FNDC3B: variants seen among roughly 807,000 people sequenced by gnomAD.
The protein encoded by FNDC3B is fibronectin type III domain containing 3B, also known as fibronectin type III domain-containing protein 3B.
A neutral mutation model predicts 151.5 loss-of-function variants in FNDC3B; 12 were observed. The ratio of observed to expected loss-of-function variants is 0.08; its 90% CI spans 0.05 to 0.13. The LOEUF (loss-of-function observed/expected upper bound fraction) is 0.13. Among genes scored for constraint, FNDC3B ranks in the 10% least tolerant of loss-of-function variants. The pLI, the probability that FNDC3B is intolerant of heterozygous loss-of-function variation, is 1.00. For synonymous variants in FNDC3B, 528 were observed against 549.0 expected (o/e 0.96, Z 0.54); for missense variants, 1,214 against 1,505.3 (o/e 0.81, Z 3.20).
intron 1 of FNDC3B, among the ~76,000 whole-genome samples, chr3:172,055,926 G>A (rs924164003): frequency 5.3e-5 from 8 of 151,978 alleles, no homozygotes; most frequent in African/African-American, 1.2e-4. Context: ...GACTATAGGC[G>A]CCCGCCACCA....
At chr3:172,186,516 C>A (rs550090748) in intron 3 of FNDC3B, among the ~76,000 whole-genome samples, 2 of 152,298 alleles carry the variant, frequency 1.3e-5, no homozygotes, top group East Asian at 3.9e-4. Context: ...CTACATAAAC[C>A]TGAGCTGAGG....
At chr3:172,229,134 CACAA>C (rs1223304890) in intron 4 of FNDC3B, among the ~76,000 whole-genome samples, 2 of 82,956 alleles carry the variant, frequency 2.4e-5, no homozygotes, top group Admixed American at 1.4e-4. Context: ...CACACACACA[CACAA>C]TCTCCTGCAG....
chr3:172,148,571 G>A (rs1312647021), intron 3 of FNDC3B: 1 of 152,184 alleles, frequency 6.6e-6, no homozygotes, highest in Non-Finnish European at 1.5e-5. Context: ...GACAGTTGAG[G>A]TGAGTGAATT....
chr3:172,200,068 G>A (rs899573335), intron 3 of FNDC3B, among the ~76,000 whole-genome samples: 1 of 151,988 alleles, frequency 6.6e-6, no homozygotes, highest in Non-Finnish European at 1.5e-5. Flanking sequence ...TGTTGCGGGG[G>A]CCAGAGCCTA....
chr3:172,287,818 G>A (rs151249975), intron 7 of FNDC3B, among the ~76,000 whole-genome samples: 76 of 152,276 alleles, frequency 5.0e-4, no homozygotes, highest in African/African-American at 1.7e-3. Flanking sequence ...TATTTCTTAG[G>A]CATTTAATCT....
intron 3 of FNDC3B, among the ~76,000 whole-genome samples, chr3:172,220,997 C>T (rs1195786451): frequency 2.0e-5 from 3 of 152,200 alleles, no homozygotes; most frequent in Admixed American, 2.0e-4. Context: ...AGTATATAGA[C>T]CATTCACTCC....
intron 6 of FNDC3B, among the ~76,000 whole-genome samples, chr3:172,273,576 C>T (rs1729303072): frequency 6.6e-6 from 1 of 152,190 alleles, no homozygotes; most frequent in Non-Finnish European, 1.5e-5. Flanking sequence ...AGTGTTTTCT[C>T]CACAAAGGAA....
At chr3:172,217,084 CT>C (rs1726020304) in intron 3 of FNDC3B, among the ~76,000 whole-genome samples, 2 of 151,420 alleles carry the variant, frequency 1.3e-5, no homozygotes, top group Non-Finnish European at 3.0e-5. Context: ...ATGCCATTCT[CT>C]CCATAATTAA....
At chr3:172,122,948 A>G (rs1304444202) in intron 2 of FNDC3B, among the ~76,000 whole-genome samples, 1 of 152,178 alleles carries the variant, frequency 6.6e-6, no homozygotes, top group African/African-American at 2.4e-5. Context: ...AAAAAATGCA[A>G]ATCAGTTCTT....
At chr3:172,312,348 T>G (rs1446305370) in intron 11 of FNDC3B, among the ~76,000 whole-genome samples, 1 of 152,162 alleles carries the variant, frequency 6.6e-6, no homozygotes. Flanking sequence ...TTCTACAGAT[T>G]AGGTGGATTT....
intron 3 of FNDC3B, among the ~76,000 whole-genome samples, chr3:172,189,121 T>C (rs973874619): frequency 6.6e-6 from 1 of 152,252 alleles, no homozygotes; most frequent in African/African-American, 2.4e-5. Context: ...TGAACTTACC[T>C]AAACTTAGTA....
chr3:172,269,260 C>G (rs941002457), intron 6 of FNDC3B, among the ~76,000 whole-genome samples: 1 of 151,462 alleles, frequency 6.6e-6, no homozygotes, highest in Non-Finnish European at 1.5e-5. Flanking sequence ...CTTTCCTTTC[C>G]TTTTCCTTTT....
intron 2 of FNDC3B, among the ~76,000 whole-genome samples, chr3:172,133,035 A>G (rs1721182366): frequency 6.6e-6 from 1 of 152,152 alleles, no homozygotes; most frequent in South Asian, 2.1e-4. Flanking sequence ...TTTTGTTGTC[A>G]CACAATAGAA....
chr3:172,232,013 T>TG (rs1576821815), intron 4 of FNDC3B, among the ~76,000 whole-genome samples: 1 of 150,002 alleles, frequency 6.7e-6, no homozygotes, highest in East Asian at 2.0e-4. Flanking sequence ...CCCAAGGAGG[T>TG]GGGATTACAG....
At chr3:172,122,562 A>G (rs1326325124) in intron 2 of FNDC3B, among the ~76,000 whole-genome samples, 1 of 152,194 alleles carries the variant, frequency 6.6e-6, no homozygotes, top group African/African-American at 2.4e-5. Context: ...CTACATTGGT[A>G]TTTCTTCCCT....
chr3:172,397,471 A>G lies in FNDC3B; in HGVS notation c.3611A>G (p.Lys1204Arg), dbSNP rs1230507322. ...TTTATATTACAGTACTTCTTAATGA[A>G]GTAAACCCAACAAAACTAGAGGTAT... Reference protein sequence around the residue: ...FAFILQYFLMK With the variant: ...FAFILQYFLMR Residue 1204 changes from lysine (K) to arginine (R), a missense_variant, in exon 26 of 26, where the codon AAG becomes AGG. Physicochemically the swap from Lys to Arg is conservative, Grantham distance 26. Transcript: ENST00000415807. 6.3e-7 allele frequency: 1 copy of G among 1,580,896 alleles called. No individual in the cohort carries two copies. The highest frequency in any genetic ancestry group is 8.6e-7 in the Non-Finnish European group (1 of 1,163,532).
At chr3:172,348,858 A>G (rs1005216759) in intron 21 of FNDC3B, among the ~76,000 whole-genome samples, 1 of 152,218 alleles carries the variant, frequency 6.6e-6, no homozygotes, top group African/African-American at 2.4e-5. Flanking sequence ...GCCACACTAA[A>G]GGACTATTGC....
intron 11 of FNDC3B, among the ~76,000 whole-genome samples, chr3:172,327,203 C>G (rs914629843): frequency 6.6e-6 from 1 of 152,190 alleles, no homozygotes; most frequent in Non-Finnish European, 1.5e-5. Context: ...AAATGTCAGG[C>G]TTTACTTGCT....
chr3:172,212,802 C>T (rs1725798387), intron 3 of FNDC3B, among the ~76,000 whole-genome samples: 2 of 152,178 alleles, frequency 1.3e-5, no homozygotes, highest in African/African-American at 4.8e-5. Flanking sequence ...TGGGGATGGA[C>T]TGAAGAGAAG....
Sources: allele counts gnomAD v4.1 joint callset (sites outside exome capture counted in the v4.1 genomes callset), GRCh38; gene constraint gnomAD v4.1.1; transcripts MANE v1.5; gene names NCBI Gene and HGNC (gene_info 2026-07-23, HGNC 2026-07-21).